CSMD1: variants seen among roughly 807,000 people sequenced by gnomAD.
The protein encoded by CSMD1 is CUB and sushi domain-containing protein 1.
Under a neutral mutation model 417.5 loss-of-function variants are expected in CSMD1, and 213 were observed. That is an observed-to-expected ratio of 0.51 (90% CI 0.46 to 0.57). The LOEUF (loss-of-function observed/expected upper bound fraction) is 0.57, where lower values mean the gene tolerates loss of function less well. Ranked by LOEUF, CSMD1 falls within the 20% of genes least tolerant of loss-of-function variation. The pLI, the probability that CSMD1 is intolerant of heterozygous loss-of-function variation, is 0.00. For missense variants in CSMD1, 6,923 were observed against 4,529.7 expected, an observed-to-expected ratio of 1.53 and a Z score of -15.17; for synonymous variants, 2,862 against 1,736.8, an observed-to-expected ratio of 1.65 and a Z score of -16.11.
chr8:4,741,380 C>G (rs954239067), intron 1 of CSMD1, among the ~76,000 whole-genome samples: 7 of 152,136 alleles, frequency 4.6e-5, no homozygotes, highest in African/African-American at 1.7e-4. Flanking sequence ...TGAAAGGACA[C>G]TATTATTCTT....
At chr8:3,062,883 T>C (rs950236824) in intron 49 of CSMD1, among the ~76,000 whole-genome samples, 5 of 152,084 alleles carry the variant, frequency 3.3e-5, no homozygotes, top group Non-Finnish European at 7.4e-5. Flanking sequence ...ACTTTTAGAG[T>C]GTTGTTCAAA....
intron 1 of CSMD1, among the ~76,000 whole-genome samples, chr8:4,720,621 T>C (rs1021387150): frequency 2.0e-5 from 3 of 152,174 alleles, no homozygotes; most frequent in Non-Finnish European, 4.4e-5. Context: ...TTCACCATGT[T>C]GGCCAGGCTG....
intron 5 of CSMD1, among the ~76,000 whole-genome samples, chr8:3,765,446 A>G (rs550313809): frequency 6.6e-6 from 1 of 152,294 alleles, no homozygotes; most frequent in African/African-American, 2.4e-5. Context: ...TGTGTCTTAC[A>G]TTATTAATGG....
intron 3 of CSMD1, among the ~76,000 whole-genome samples, chr8:4,134,280 T>C (rs1219701750): frequency 1.3e-5 from 2 of 152,182 alleles, no homozygotes; most frequent in African/African-American, 2.4e-5. Context: ...AATGTGACTG[T>C]ATTTGAGGAT....
At chr8:4,201,846 T>C (rs1329675205) in intron 3 of CSMD1, among the ~76,000 whole-genome samples, 1 of 144,768 alleles carries the variant, frequency 6.9e-6, no homozygotes, top group Non-Finnish European at 1.5e-5. Flanking sequence ...GGATCTTAAT[T>C]GTGTCTAATT....
At chr8:4,855,646 C>T (rs1322012174) in intron 1 of CSMD1, among the ~76,000 whole-genome samples, 2 of 152,068 alleles carry the variant, frequency 1.3e-5, no homozygotes, top group African/African-American at 2.4e-5. Context: ...ATGCAATCAA[C>T]TGGAAGATAG....
At chr8:4,166,722 C>A (rs1159747158) in intron 3 of CSMD1, among the ~76,000 whole-genome samples, 2 of 151,986 alleles carry the variant, frequency 1.3e-5, no homozygotes, top group African/African-American at 4.8e-5. Context: ...ATCTATGTAA[C>A]CCAAAACCAC....
At chr8:3,348,466 A>G (rs2117641021) in intron 21 of CSMD1, among the ~76,000 whole-genome samples, 1 of 152,314 alleles carries the variant, frequency 6.6e-6, no homozygotes, top group Admixed American at 6.5e-5. Flanking sequence ...ACCATGGCTC[A>G]CTGGCTGTGT....
chr8:3,842,443 T>A (rs1156505746), intron 5 of CSMD1, among the ~76,000 whole-genome samples: 1 of 152,190 alleles, frequency 6.6e-6, no homozygotes, highest in East Asian at 1.9e-4. Flanking sequence ...TAAACAGATG[T>A]TAAATGATTT....
At chr8:4,010,389 C>G (rs1006388810) in intron 4 of CSMD1, among the ~76,000 whole-genome samples, 1 of 152,128 alleles carries the variant, frequency 6.6e-6, no homozygotes, top group Non-Finnish European at 1.5e-5. Flanking sequence ...CTGTCAGCCT[C>G]TTCACCTCTA....
In CSMD1 at chr8:4,994,516, G is replaced by C; in HGVS notation, c.-100C>G. The C allele has an allele frequency of 4.5e-6, 5 of 1,114,732 alleles. No homozygotes were observed. In the South Asian group the frequency reaches 6.9e-5, roughly 15 times the overall value. The allele number at this position is 1,114,732 out of a possible 1,614,324, so 69.1% of individuals were successfully genotyped here. A position where few individuals can be genotyped will look rare whatever the true frequency, so the allele number is the denominator to read the frequency against. On this transcript the variant is annotated 5_prime_UTR_variant, in exon 1 of 70. Coordinates refer to ENST00000635120, the MANE Select transcript of CSMD1 (RefSeq NM_033225.6). ...AATCACCCGAGGGCAAGGCGAGCCG[G>C]AGAGAGAGCCCGGTCCCAAGACCCG...
intron 2 of CSMD1, among the ~76,000 whole-genome samples, chr8:4,439,338 CA>C (rs1299388515): frequency 3.9e-5 from 6 of 152,052 alleles, no homozygotes; most frequent in Admixed American, 3.9e-4. Context: ...TATAATTATT[CA>C]AAATTAAAGA....
At chr8:4,747,633 T>C (rs1451489445) in intron 1 of CSMD1, among the ~76,000 whole-genome samples, 3 of 152,198 alleles carry the variant, frequency 2.0e-5, no homozygotes, top group Non-Finnish European at 4.4e-5. Context: ...AGCATCATTA[T>C]CAACCTTCTG....
intron 37 of CSMD1, among the ~76,000 whole-genome samples, chr8:3,167,795 T>C (rs944958546): frequency 6.6e-6 from 1 of 152,276 alleles, no homozygotes; most frequent in Middle Eastern, 3.4e-3. Flanking sequence ...AATCAGAATA[T>C]AACAATCAGC....
At chr8:4,356,998 G>C (rs201235751) in intron 3 of CSMD1, among the ~76,000 whole-genome samples, 253 of 152,232 alleles carry the variant, frequency 1.7e-3, no homozygotes, top group African/African-American at 5.8e-3. Context: ...AATATATGAA[G>C]ATAAACGAAT....
intron 6 of CSMD1, among the ~76,000 whole-genome samples, chr8:3,726,023 T>C (rs1447208899): frequency 1.3e-5 from 2 of 152,174 alleles, no homozygotes; most frequent in Admixed American, 1.3e-4. Flanking sequence ...CTGCTGGCTC[T>C]TTCTCTCTTG....
Position 3,123,225 on chromosome 8 carries a change from G to T in CSMD1, c.6242-4638C>A, listed in dbSNP as rs79117819. On this transcript the variant is annotated intron_variant, in intron 41 of 69. Coordinates refer to ENST00000635120, the MANE Select transcript of CSMD1 (RefSeq NM_033225.6). ...CACCCCTCATCTGCATTCCCCCATC[G>T]TGTGGCTCCCTGGGCCAACCTGTCA... Among the ~76,000 whole-genome samples the T allele has an allele frequency of 2.9e-3, 436 of 152,122 alleles. 2 individuals are homozygous for T. The highest frequency in any genetic ancestry group is 0.01 in the African/African-American group (423 of 41,506).
At chr8:2,961,674 A>C (rs956181237) in intron 61 of CSMD1, among the ~76,000 whole-genome samples, 3 of 152,194 alleles carry the variant, frequency 2.0e-5, no homozygotes, top group African/African-American at 7.2e-5. Flanking sequence ...TAATGGAACC[A>C]CATGGAAAAC....
At chr8:3,897,445 G>A (rs1237953480) in intron 5 of CSMD1, among the ~76,000 whole-genome samples, 3 of 151,970 alleles carry the variant, frequency 2.0e-5, no homozygotes, top group Admixed American at 1.3e-4. Context: ...TTCAATTTAT[G>A]ATCTTAAAGT....
Sources: allele counts gnomAD v4.1 joint callset (sites outside exome capture counted in the v4.1 genomes callset), GRCh38; gene constraint gnomAD v4.1.1; transcripts MANE v1.5; gene names NCBI Gene and HGNC (gene_info 2026-07-23, HGNC 2026-07-21).